CAMK1D: variants seen among roughly 807,000 people sequenced by gnomAD.
CAMK1D encodes the protein calcium/calmodulin dependent protein kinase ID, also known as calcium/calmodulin-dependent protein kinase type 1D.
A neutral mutation model predicts 47.7 loss-of-function variants in CAMK1D; 9 were observed. The observed-to-expected ratio is 0.19, with a 90% CI of 0.11 to 0.33. The LOEUF is 0.33. Ranked by LOEUF, CAMK1D falls within the 10% of genes least tolerant of loss-of-function variation. The pLI is 1.00. For missense variants in CAMK1D, 291 were observed against 488.7 expected (o/e 0.60, Z 3.81); for synonymous variants, 184 against 184.9 (o/e 0.99, Z 0.04).
chr10:12,799,371 G>A (rs1379744785), intron 6 of CAMK1D, among the ~76,000 whole-genome samples: 1 of 152,230 alleles, frequency 6.6e-6, no homozygotes, highest in East Asian at 1.9e-4. Context: ...AGCCTATGCA[G>A]ATGCGTAACT....
chr10:12,682,967 G>C (rs1234292227), intron 3 of CAMK1D, among the ~76,000 whole-genome samples: 6 of 151,814 alleles, frequency 4.0e-5, no homozygotes, highest in Non-Finnish European at 8.8e-5. Flanking sequence ...TATCTCCTAG[G>C]CTGGAATGCA....
chr10:12,479,912 G>A (rs76483024), intron 1 of CAMK1D, among the ~76,000 whole-genome samples: 1,974 of 152,230 alleles, frequency 0.013, 48 homozygotes, highest in African/African-American at 0.045. Context: ...AGTTCTCAAC[G>A]ACGTCCTGGA....
chr10:12,773,420 A>T (rs986289321), intron 5 of CAMK1D, among the ~76,000 whole-genome samples: 1 of 152,214 alleles, frequency 6.6e-6, no homozygotes, highest in Non-Finnish European at 1.5e-5. Context: ...GCCTCTGTGT[A>T]CTGTCCTTGC....
At chr10:12,477,570 G>C (rs76204021) in intron 1 of CAMK1D, among the ~76,000 whole-genome samples, 9,962 of 152,224 alleles carry the variant, frequency 0.065, 452 homozygotes, top group Non-Finnish European at 0.098. Flanking sequence ...TCCAGAGCAG[G>C]AAGAACGGGA....
chr10:12,814,267 T>C lies in CAMK1D; in HGVS notation c.714T>C (p.Tyr238=). 1 of 1,613,828 alleles carries C rather than the reference T, an allele frequency of 6.2e-7. No homozygotes were observed. Among genetic ancestry groups the C allele is most frequent in the East Asian group, 2.2e-5 (1 of 44,862 alleles). ...KLFEQILKAE[Y]EFDSPYWDDI... is the part of the protein sequence containing the mutation. ...TTGAGCAGATCCTCAAGGCGGAATATGAGTTTGACTCTCCCTACTGGGATG... is the reference window on the plus strand; with the variant it reads ...TTGAGCAGATCCTCAAGGCGGAATACGAGTTTGACTCTCCCTACTGGGATG... Residue 238 remains tyrosine (Y), a synonymous_variant, in exon 7 of 11, where the codon TAT becomes TAC. Transcript: ENST00000619168.
chr10:12,666,441 C>T (rs184281996), intron 2 of CAMK1D, among the ~76,000 whole-genome samples: 2 of 152,064 alleles, frequency 1.3e-5, no homozygotes, highest in African/African-American at 4.8e-5. Context: ...GAGTTGGGCT[C>T]TACAAGATAA....
intron 2 of CAMK1D, among the ~76,000 whole-genome samples, chr10:12,572,038 A>ACC (rs1837342713): frequency 2.0e-4 from 16 of 80,954 alleles, no homozygotes; most frequent in African/African-American, 8.6e-4. Context: ...CCAAAAACTA[A>ACC]ACCCCCCCCC....
chr10:12,610,267 A>G (rs1198659622), intron 2 of CAMK1D, among the ~76,000 whole-genome samples: 1 of 152,196 alleles, frequency 6.6e-6, no homozygotes, highest in African/African-American at 2.4e-5. Context: ...GACAAGGCAG[A>G]GATGGGCAGG....
At position 12,791,211 on chromosome 10, in the gene CAMK1D, A is replaced by G. The variant is rs1837964440; in HGVS notation, c.619A>G (p.Ile207Val). 2 of 1,614,138 alleles carry G rather than the reference A, an allele frequency of 1.2e-6. No individual in the cohort carries two copies. Among genetic ancestry groups the G allele is most frequent in the Non-Finnish European group, 1.7e-6 (2 of 1,180,008 alleles). The change falls in exon 6 of 11, where the codon ATC becomes GTC. Residue 207 changes from isoleucine (I) to valine (V), a missense_variant. Ile to Val is a conservative substitution (Grantham distance 29, BLOSUM62 3). Around this residue, in one of 2 missense-constraint regions of CAMK1D, gnomAD observed 219 missense variants for 424.3 expected, o/e 0.52. Transcript: ENST00000619168. ...PYSKAVDCWS[I>V]GVIAYILLCG... ...CAGCAAAGCCGTTGACTGCTGGTCCATCGGAGTGATTGCCTACATCTTGTA... is the reference window on the plus strand; with the variant it reads ...CAGCAAAGCCGTTGACTGCTGGTCCGTCGGAGTGATTGCCTACATCTTGTA...
At chr10:12,702,095 G>A (rs376652030) in intron 3 of CAMK1D, among the ~76,000 whole-genome samples, 2 of 152,208 alleles carry the variant, frequency 1.3e-5, no homozygotes, top group African/African-American at 4.8e-5. Flanking sequence ...GGGAGTGGGG[G>A]TGCTGGAAAT....
At chr10:12,780,050 C>T (rs926472901) in intron 5 of CAMK1D, among the ~76,000 whole-genome samples, 2 of 151,974 alleles carry the variant, frequency 1.3e-5, no homozygotes, top group Non-Finnish European at 2.9e-5. Flanking sequence ...ATAGTTTAAA[C>T]GTGTTTCATC....
At chr10:12,355,938 G>T (rs556051032) in intron 1 of CAMK1D, among the ~76,000 whole-genome samples, 1 of 152,248 alleles carries the variant, frequency 6.6e-6, no homozygotes, top group East Asian at 1.9e-4. Flanking sequence ...TGTGTGGGGT[G>T]GGGTGATGGC....
intron 2 of CAMK1D, among the ~76,000 whole-genome samples, chr10:12,557,613 A>G (rs531279039): frequency 7.2e-5 from 11 of 152,070 alleles, no homozygotes; most frequent in African/African-American, 2.7e-4. Flanking sequence ...TGACTAAGTC[A>G]TTGTAGACAG....
intron 1 of CAMK1D, among the ~76,000 whole-genome samples, chr10:12,424,309 T>C (rs911552721): frequency 1.3e-5 from 2 of 152,160 alleles, no homozygotes; most frequent in African/African-American, 4.8e-5. Flanking sequence ...GACATTCTCC[T>C]CTTGTCACCC....
intron 6 of CAMK1D, among the ~76,000 whole-genome samples, chr10:12,801,346 TATCTATCTTATCTATC>T (rs1838447928): frequency 2.3e-5 from 2 of 87,454 alleles, no homozygotes; most frequent in Non-Finnish European, 4.4e-5. Context: ...TCTATCTATC[TATCTATCTTATCTATC>T]TATCTATCTA....
intron 6 of CAMK1D, among the ~76,000 whole-genome samples, chr10:12,810,797 C>G (rs1832572030): frequency 1.3e-5 from 2 of 152,224 alleles, no homozygotes; most frequent in Non-Finnish European, 2.9e-5. Flanking sequence ...GCCTAAAAAT[C>G]CGACAGAATA....
intron 1 of CAMK1D, among the ~76,000 whole-genome samples, chr10:12,517,746 T>A (rs548970785): frequency 1.3e-5 from 2 of 150,124 alleles, no homozygotes; most frequent in Admixed American, 6.6e-5. Context: ...TATTTTTTTT[T>A]ATTATATATT....
intron 1 of CAMK1D, among the ~76,000 whole-genome samples, chr10:12,410,338 C>T (rs1468438760): frequency 6.6e-6 from 1 of 152,134 alleles, no homozygotes; most frequent in Non-Finnish European, 1.5e-5. Flanking sequence ...TGTGTGTCTT[C>T]TAAGTGAGGC....
intron 2 of CAMK1D, among the ~76,000 whole-genome samples, chr10:12,620,210 A>T (rs200134531): frequency 1.5e-4 from 21 of 143,268 alleles, no homozygotes; most frequent in East Asian, 8.2e-4. Flanking sequence ...AAAAAAAAAA[A>T]AAAAAAAATA....
Sources: gnomAD v4.1 joint callset for allele counts (sites outside exome capture counted in the v4.1 genomes callset) on GRCh38, gnomAD v4.1.1 for gene constraint, gnomAD v4.1.1 regional missense constraint, MANE v1.5 for transcripts, NCBI Gene and HGNC (gene_info 2026-07-23, HGNC 2026-07-21) for gene names.